The following CLVS1 variants were observed in gnomAD, a reference collection of about 807,000 sequenced individuals.
CLVS1 encodes the protein clavesin-1.
In CLVS1, 10 loss-of-function variants were observed where a neutral mutation model predicts 33.1. The ratio of observed to expected loss-of-function variants is 0.30; its 90% CI spans 0.19 to 0.51. CLVS1 has a LOEUF of 0.51. CLVS1 is among the 20% of genes least tolerant of loss of function. CLVS1 has a pLI of 0.97. For synonymous variants in CLVS1, 163 were observed against 166.1 expected, an observed-to-expected ratio of 0.98 and a Z score of 0.14; for missense variants, 343 against 433.4, an observed-to-expected ratio of 0.79 and a Z score of 1.85.
the CLVS1 span, among the ~76,000 whole-genome samples, chr8:60,968,285 G>A: frequency 6.6e-6 from 1 of 152,132 alleles, no homozygotes; most frequent in Non-Finnish European, 1.5e-5. Context: ...CGAGGCCGAG[G>A]CCGGCGGATC....
chr8:61,030,615 G>T, the CLVS1 span, among the ~76,000 whole-genome samples: 2 of 152,214 alleles, frequency 1.3e-5, no homozygotes, highest in African/African-American at 4.8e-5. Context: ...ACAGGAATCT[G>T]CCCAGCAATG....
chr8:61,339,880 AGAAG>A (rs1454567182), intron 2 of CLVS1, among the ~76,000 whole-genome samples: 1 of 151,000 alleles, frequency 6.6e-6, no homozygotes, highest in Non-Finnish European at 1.5e-5. Context: ...ATAGAGAAAG[AGAAG>A]GAGGGAGGGA....
intron 5 of CLVS1, 26 bp downstream of exon 5, chr8:61,458,568 C>T (rs775691805): frequency 1.4e-6 from 2 of 1,473,972 alleles, no homozygotes; most frequent in African/African-American, 1.4e-5. Context: ...TCAGAGCCCC[C>T]CCCCCAGTCA....
At chr8:61,401,308 G>A (rs765306521) in intron 3 of CLVS1, among the ~76,000 whole-genome samples, 3 of 151,936 alleles carry the variant, frequency 2.0e-5, no homozygotes, top group Non-Finnish European at 4.4e-5. Context: ...GAACAATGTT[G>A]AACAGAGGTA....
chr8:61,263,713 A>G (rs1243577193), intron 2 of CLVS1, among the ~76,000 whole-genome samples: 2 of 152,178 alleles, frequency 1.3e-5, no homozygotes, highest in Admixed American at 6.5e-5. Flanking sequence ...TGGTATCACA[A>G]GATATGGGTT....
rs1164921817 is a variant in CLVS1, at chr8:61,137,956, A to G, written c.-152+6096A>G. Among the ~76,000 whole-genome samples the G allele has an allele frequency of 3.9e-4, 59 of 152,320 alleles. 2 individuals are homozygous for G. The highest frequency in any genetic ancestry group is 3.5e-3 in the Admixed American group (53 of 15,302). The stretch of plus-strand genomic sequence containing the variant: ...CCTGCCTCCATTCATTCATTCATGC[A>G]GTGAACGGGTGGAGGGTCTGACTTA... On this transcript the variant is annotated intron_variant, in intron 2 of 2. Transcript: ENST00000522621.
At chr8:61,413,523 C>T (rs1278324309) in intron 3 of CLVS1, among the ~76,000 whole-genome samples, 8 of 152,134 alleles carry the variant, frequency 5.3e-5, no homozygotes, top group Admixed American at 6.5e-5. Context: ...GGGATGGACA[C>T]GATCGTCCCC....
intron 2 of CLVS1, among the ~76,000 whole-genome samples, chr8:61,251,982 T>G (rs1357364125): frequency 6.6e-6 from 1 of 152,222 alleles, no homozygotes; most frequent in East Asian, 1.9e-4. Context: ...TTGCTGTTGC[T>G]TCTCTAGTTC....
At chr8:61,300,314 T>C in intron 2 of CLVS1, 32 bp downstream of exon 2, 1 of 1,563,150 alleles carries the variant, frequency 6.4e-7, no homozygotes, top group Non-Finnish European at 8.7e-7. Context: ...ACTTGGTTTT[T>C]CTTTGCTATA....
At chr8:61,303,319 T>A (rs540268894) in intron 2 of CLVS1, among the ~76,000 whole-genome samples, 1 of 152,354 alleles carries the variant, frequency 6.6e-6, no homozygotes, top group East Asian at 1.9e-4. Context: ...TTTATGATTA[T>A]GATAACCTCA....
intron 3 of CLVS1, among the ~76,000 whole-genome samples, chr8:61,390,217 T>TG (rs2129602676): frequency 6.6e-6 from 1 of 152,366 alleles, no homozygotes; most frequent in African/African-American, 2.4e-5. Context: ...ATTTTAAACC[T>TG]GGGCATCTGC....
intron 2 of CLVS1, among the ~76,000 whole-genome samples, chr8:61,210,262 A>G (rs1313930376): frequency 1.3e-5 from 2 of 152,172 alleles, no homozygotes; most frequent in African/African-American, 2.4e-5. Flanking sequence ...GTACTCTCCT[A>G]TTTCTCCCAC....
chr8:61,369,066 C>G (rs535412883), intron 2 of CLVS1, among the ~76,000 whole-genome samples: 2 of 151,606 alleles, frequency 1.3e-5, no homozygotes, highest in African/African-American at 4.9e-5. Flanking sequence ...CTCTTCTTCC[C>G]TTCCATCCTT....
At chr8:61,204,410 G>A (rs748873283) in intron 2 of CLVS1, among the ~76,000 whole-genome samples, 3 of 152,130 alleles carry the variant, frequency 2.0e-5, no homozygotes, top group Non-Finnish European at 4.4e-5. Context: ...ATTTGTGATT[G>A]TTTTCTGCTA....
chr8:61,430,770 A>T (rs1208833944), intron 3 of CLVS1, among the ~76,000 whole-genome samples: 1 of 151,904 alleles, frequency 6.6e-6, no homozygotes, highest in Non-Finnish European at 1.5e-5. Flanking sequence ...CGCCATTGAA[A>T]CTCTAATGGA....
rs915274175 is a variant in CLVS1, at chr8:61,401,976, G to A, written c.630+25197G>A. On this transcript the variant is annotated intron_variant, in intron 3 of 5. Coordinates refer to ENST00000325897, the MANE Select transcript of CLVS1 (RefSeq NM_173519.3). ...TTACTGCTCTGCATTGTTGATTTAA[G>A]TTTCTGCCTCTTCAAGTAGAGTAAA... Among the ~76,000 whole-genome samples, 3 of 152,040 alleles carry A rather than the reference G, an allele frequency of 2.0e-5. No individual in the cohort carries two copies. In the South Asian group the frequency reaches 6.2e-4, roughly 32 times the overall value.
At chr8:61,486,050 A>G (rs1380168876) in intron 5 of CLVS1, among the ~76,000 whole-genome samples, 1 of 152,166 alleles carries the variant, frequency 6.6e-6, no homozygotes. Context: ...TACATATGTA[A>G]CTAACCTGCA....
intron 3 of CLVS1, among the ~76,000 whole-genome samples, chr8:61,431,978 C>T (rs1816131184): frequency 6.6e-6 from 1 of 152,212 alleles, no homozygotes; most frequent in African/African-American, 2.4e-5. Context: ...CTTTTTGTCA[C>T]ATGCTGTCTA....
chr8:61,226,545 C>A (rs531793953), intron 2 of CLVS1, among the ~76,000 whole-genome samples: 2 of 152,152 alleles, frequency 1.3e-5, no homozygotes, highest in African/African-American at 4.8e-5. Context: ...CTTTGTGGAA[C>A]CTGAGTAGTG....
Sources: gnomAD v4.1 joint callset for allele counts (sites outside exome capture counted in the v4.1 genomes callset) on GRCh38, gnomAD v4.1.1 for gene constraint, MANE v1.5 for transcripts, NCBI Gene and HGNC (gene_info 2026-07-23, HGNC 2026-07-21) for gene names.